The following MSMO1 variants were observed in gnomAD, a reference collection of about 807,000 sequenced individuals.
MSMO1 encodes the protein methylsterol monooxygenase 1, also known as C-4 methylsterol oxidase.
MSMO1 carries 18 observed loss-of-function variants against 30.4 expected under a neutral mutation model. That is an observed-to-expected ratio of 0.59 (90% CI 0.41 to 0.88). The LOEUF is 0.88. MSMO1 is among the 40% of genes least tolerant of loss of function. The pLI, the probability that MSMO1 is intolerant of heterozygous loss-of-function variation, is 0.00. For missense variants in MSMO1, 284 were observed against 340.5 expected (o/e 0.83, Z 1.31); for synonymous variants, 84 against 107.9 (o/e 0.78, Z 1.37).
intron 1 of MSMO1, among the ~76,000 whole-genome samples, chr4:165,330,584 A>G (rs540053777): frequency 2.7e-4 from 41 of 152,370 alleles, no homozygotes; most frequent in African/African-American, 9.6e-4. Flanking sequence ...ACCTTGAGAA[A>G]AATTAAGATT....
In MSMO1 at chr4:165,341,869, G is replaced by A; in HGVS notation, c.805G>A (p.Asp269Asn). Residue 269 changes from aspartate to asparagine, a missense_variant, in exon 6 of 6, where the codon GAT becomes AAT. Coordinates refer to ENST00000261507, the MANE Select transcript of MSMO1 (RefSeq NM_006745.5). Reference sequence around the variant, plus strand: ...CTATGCTTCAACATTTACATGGTGGGATCGAATTTTTGGAACAGACTCTCA... The same window carrying A: ...CTATGCTTCAACATTTACATGGTGGAATCGAATTTTTGGAACAGACTCTCA... ...GNYASTFTWW[D>N]RIFGTDSQYN... The A allele has an allele frequency of 6.2e-7, 1 of 1,613,520 alleles. No individual in the cohort carries two copies. The highest frequency in any genetic ancestry group is 8.5e-7 in the Non-Finnish European group (1 of 1,179,584).
At chr4:165,332,473 A>G (rs1747423595) in intron 1 of MSMO1, among the ~76,000 whole-genome samples, 1 of 152,136 alleles carries the variant, frequency 6.6e-6, no homozygotes, top group African/African-American at 2.4e-5. Context: ...CTTCCATCTT[A>G]GCGGATCTGT....
At position 165,338,698 on chromosome 4, in the gene MSMO1, A is replaced by C; in HGVS notation, c.451A>C (p.Thr151Pro). ...RCFGCAVIED[T>P]WHYFLHRLLH... Reference sequence around the variant, plus strand: ...CTTTGGTTGTGCAGTCATTGAAGATACTTGGCACTATTTTCTGCATAGACT... The same window carrying C: ...CTTTGGTTGTGCAGTCATTGAAGATCCTTGGCACTATTTTCTGCATAGACT... The change falls in exon 4 of 6, where the codon ACT (threonine) becomes CCT (proline). Residue 151 changes from threonine (T) to proline (P), a missense_variant. Transcript: ENST00000261507. 1 of 1,607,244 alleles carries C rather than the reference A, an allele frequency of 6.2e-7. No homozygotes were observed. The highest frequency in any genetic ancestry group is 1.3e-5 in the African/African-American group (1 of 74,858).
At chr4:165,327,814 G>A (rs1177181848) in intron 1 of MSMO1, 50 bp downstream of exon 1, 1 of 152,270 alleles carries the variant, frequency 6.6e-6, no homozygotes, top group East Asian at 1.9e-4. Flanking sequence ...GGAGCAGGCG[G>A]GCTCCCACCC....
At chr4:165,333,288 A>AT in intron 1 of MSMO1, 52 bp from the exon 2 acceptor site, 1 of 1,450,688 alleles carries the variant, frequency 6.9e-7, no homozygotes, top group South Asian at 1.3e-5. Flanking sequence ...TAACTGTTTT[A>AT]TTTTTTGAAA....
intron 1 of MSMO1, 173 bp downstream of exon 1, chr4:165,327,937 C>CT (rs1747284039): frequency 6.6e-6 from 1 of 152,362 alleles, no homozygotes; most frequent in Non-Finnish European, 1.5e-5. Context: ...GAAGGTGGGC[C>CT]TAGGCTAAGG....
At chr4:165,339,310 G>T (rs755291777) in intron 4 of MSMO1, among the ~76,000 whole-genome samples, 13 of 151,740 alleles carry the variant, frequency 8.6e-5, no homozygotes, top group Non-Finnish European at 1.9e-4. Context: ...CACTATGTTG[G>T]TCAGGCTGGT....
intron 2 of MSMO1, among the ~76,000 whole-genome samples, chr4:165,335,620 C>T (rs1747518869): frequency 6.6e-6 from 1 of 152,156 alleles, no homozygotes; most frequent in Admixed American, 6.5e-5. Context: ...TCCTTCACTG[C>T]AGTTTGTAAC....
At chr4:165,335,053 G>C (rs148648471) in intron 2 of MSMO1, among the ~76,000 whole-genome samples, 23 of 152,260 alleles carry the variant, frequency 1.5e-4, no homozygotes, top group African/African-American at 4.8e-4. Flanking sequence ...CTGTAGAGAT[G>C]ATTTAAAGTA....
intron 1 of MSMO1, among the ~76,000 whole-genome samples, chr4:165,328,637 A>G (rs932262123): frequency 5.3e-5 from 8 of 152,100 alleles, no homozygotes; most frequent in African/African-American, 1.4e-4. Context: ...TATCTAGTCA[A>G]CCTGTTCCAG....
In MSMO1 at chr4:165,338,633, C is replaced by T. The variant is rs1747627670; in HGVS notation, c.405-19C>T. ...AGTAAAAATTATTTCTTACACATTA[C>T]AACATTTTTATCTTAAAGGTATTTT... On this transcript the variant is annotated intron_variant, in intron 3 of 5. Transcript: ENST00000261507. 4.4e-6 allele frequency: 7 copies of T among 1,598,256 alleles called. No individual in the cohort carries two copies. In the South Asian group the frequency reaches 4.4e-5, roughly 10 times the overall value.
intron 2 of MSMO1, among the ~76,000 whole-genome samples, chr4:165,337,138 A>G (rs767401104): frequency 5.3e-5 from 8 of 152,204 alleles, no homozygotes; most frequent in Non-Finnish European, 1.2e-4. Context: ...GAATACATTT[A>G]GTTAGTGTTT....
intron 2 of MSMO1, among the ~76,000 whole-genome samples, chr4:165,336,921 C>T (rs1372400711): frequency 6.6e-6 from 1 of 152,118 alleles, no homozygotes; most frequent in Non-Finnish European, 1.5e-5. Flanking sequence ...CGTGTGTGAC[C>T]CTGCCCAAGC....
chr4:165,329,625 ATTTTTTTTT>A lies in MSMO1; in HGVS notation c.-32+1880_-32+1888del, dbSNP rs1171733863. 2.5e-3 allele frequency among the ~76,000 whole-genome samples: 173 copies of A among 68,002 alleles called. 1 individual carries two copies. The highest frequency in any genetic ancestry group is 0.011 in the African/African-American group (167 of 15,150). The allele number at this position is 68,002 out of a possible 152,430, so 44.6% of individuals were successfully genotyped here. On this transcript the variant is annotated intron_variant, in intron 1 of 5. Coordinates refer to ENST00000261507, the MANE Select transcript of MSMO1 (RefSeq NM_006745.5). ...ATTTGGCAGCTGGAGATCCATAGCGATTTTTTTTTTTTTTTTTTTTTTTTTTTGAGACGG... is the reference window on the plus strand; with the variant it reads ...ATTTGGCAGCTGGAGATCCATAGCGATTTTTTTTTTTTTTTTTTGAGACGG...
At chr4:165,332,006 A>C (rs1404833139) in intron 1 of MSMO1, among the ~76,000 whole-genome samples, 1 of 151,204 alleles carries the variant, frequency 6.6e-6, no homozygotes, top group African/African-American at 2.4e-5. Flanking sequence ...CTACTCCACC[A>C]CACTGTCTCC....
chr4:165,330,007 TA>T (rs1747348183), intron 1 of MSMO1, among the ~76,000 whole-genome samples: 1 of 151,000 alleles, frequency 6.6e-6, no homozygotes, highest in African/African-American at 2.5e-5. Context: ...TGCTAGAATA[TA>T]AACAGGAAAT....
At chr4:165,328,311 G>A (rs2126612277) in intron 1 of MSMO1, among the ~76,000 whole-genome samples, 1 of 152,286 alleles carries the variant, frequency 6.6e-6, no homozygotes. Flanking sequence ...GTGTAGGATG[G>A]CGAGAATGTA....
Position 165,343,094 on chromosome 4 carries a change from A to G in MSMO1, c.*1148A>G, listed in dbSNP as rs939277790. The G allele has an allele frequency of 6.6e-6, 1 of 152,414 alleles. No individual in the cohort carries two copies. The highest frequency in any genetic ancestry group is 1.5e-5 in the Non-Finnish European group (1 of 68,016). 9.4% of individuals were successfully genotyped at this position (152,414 alleles called of 1,614,324 possible). ...GATTATCTGGTTTCCAGTTTTAAAC[A>G]TTAACTGTCACCTTTTATTCTTAAA... On this transcript the variant is annotated 3_prime_UTR_variant, in exon 6 of 6. Transcript: ENST00000261507.
intron 1 of MSMO1, among the ~76,000 whole-genome samples, chr4:165,332,141 T>TG (rs1560847025): frequency 0.015 from 2,234 of 151,920 alleles, 52 homozygotes; most frequent in African/African-American, 0.05. Flanking sequence ...ATTTTTCCCT[T>TG]TATCCATATG....
Sources: allele counts gnomAD v4.1 joint callset (sites outside exome capture counted in the v4.1 genomes callset), GRCh38; gene constraint gnomAD v4.1.1; transcripts MANE v1.5; gene names NCBI Gene and HGNC (gene_info 2026-07-23, HGNC 2026-07-21).